LMO1: variants seen among roughly 807,000 people sequenced by gnomAD.
The protein encoded by LMO1 is rhombotin-1.
In LMO1, 10 loss-of-function variants were observed where a neutral mutation model predicts 18.0. The observed-to-expected ratio is 0.55, with a 90% confidence interval of 0.34 to 0.94. The LOEUF (loss-of-function observed/expected upper bound fraction) is 0.94, where lower values mean the gene tolerates loss of function less well. Ranked by LOEUF, LMO1 falls within the 40% of genes least tolerant of loss-of-function variation. The pLI is 0.02. For missense variants in LMO1, 183 were observed against 205.7 expected (o/e 0.89, Z 0.68); for synonymous variants, 77 against 77.9 (o/e 0.99, Z 0.06).
At position 8,227,072 on chromosome 11, in the gene LMO1, C is replaced by T. The variant is rs1299958313; in HGVS notation, c.268G>A (p.Ala90Thr). The change falls in exon 3 of 4, where the codon GCT becomes ACT. Residue 90 changes from alanine (A) to threonine (T), a missense_variant. Transcript: ENST00000335790. ...AAGGCTGGGATCAGCTTGCTGCAAG[C>T]AGCACAGTTCCCTGTGGTGCCAAAG... ...RLFGTTGNCA[A>T]CSKLIPAFEM... The T allele has an allele frequency of 6.2e-7, 1 of 1,613,884 alleles. No homozygotes were observed. The highest frequency in any genetic ancestry group is 1.1e-5 in the South Asian group (1 of 91,088).
In LMO1 at chr11:8,227,055, G is replaced by C. The variant is rs1372606188; in HGVS notation, c.285C>G (p.Ile95Met). The C allele has an allele frequency of 6.2e-7, 1 of 1,613,978 alleles. No homozygotes were observed. The highest frequency in any genetic ancestry group is 1.7e-5 in the Admixed American group (1 of 60,032). Residue 95 changes from isoleucine to methionine, a missense_variant, in exon 3 of 4, where the codon ATC (isoleucine) becomes ATG (methionine). By Grantham distance (10) the Ile-to-Met change is conservative. Transcript: ENST00000335790. The part of the protein sequence containing the change: ...TGNCAACSKL[I>M]PAFEMVMRAR... ...CCCGCATCACCATCTCGAAGGCTGG[G>C]ATCAGCTTGCTGCAAGCAGCACAGT...
At chr11:8,250,420 A>G (rs1224941470) in intron 1 of LMO1, among the ~76,000 whole-genome samples, 1 of 152,250 alleles carries the variant, frequency 6.6e-6, no homozygotes, top group African/African-American at 2.4e-5. Flanking sequence ...TCTTATGCTC[A>G]TGTAGAAGGC....
At chr11:8,248,883 C>A (rs1310466165) in intron 1 of LMO1, among the ~76,000 whole-genome samples, 2 of 152,138 alleles carry the variant, frequency 1.3e-5, no homozygotes, top group African/African-American at 4.8e-5. Context: ...CCCTCAGAGC[C>A]TAGAAAGCCA....
chr11:8,242,048 TA>T (rs143784690), intron 1 of LMO1, among the ~76,000 whole-genome samples: 5,458 of 152,254 alleles, frequency 0.036, 168 homozygotes, highest in African/African-American at 0.087. Context: ...GATGGAGCCT[TA>T]ATCAGGCTTG....
intron 1 of LMO1, among the ~76,000 whole-genome samples, chr11:8,245,213 G>A (rs146632539): frequency 3.9e-5 from 6 of 151,998 alleles, no homozygotes; most frequent in East Asian, 1.9e-4. Context: ...AGCATGCTCC[G>A]CTTCAGAGCC....
intron 1 of LMO1, among the ~76,000 whole-genome samples, chr11:8,238,282 T>G (rs1952796472): frequency 1.3e-5 from 2 of 152,214 alleles, no homozygotes; most frequent in South Asian, 4.1e-4. Context: ...CAATATAATA[T>G]TGAATGAAAG....
chr11:8,260,806 T>A (rs924741975), intron 1 of LMO1, among the ~76,000 whole-genome samples: 5 of 151,208 alleles, frequency 3.3e-5, no homozygotes, highest in Non-Finnish European at 7.4e-5. Context: ...GCGTTGGGGG[T>A]GGTTAATAGC....
rs935137604 is a variant in LMO1, at chr11:8,226,877, G to A, written c.365+98C>T. 132 of 1,467,316 alleles carry A rather than the reference G, an allele frequency of 9.0e-5. 2 individuals are homozygous for A. The South Asian group carries it at 1.4e-3, about 16-fold the overall frequency. The allele number at this position is 1,467,316 out of a possible 1,614,324, so 90.9% of individuals were successfully genotyped here. A position where few individuals can be genotyped will look rare whatever the true frequency, so the allele number is the denominator to read the frequency against. On this transcript the variant is annotated intron_variant, in intron 3 of 3. Transcript: ENST00000335790. Reference sequence around the variant, plus strand: ...ACCACCACATACACACACGCAACCCGCATTTGCGTGCACGCCTCCGCCGTG... The same window carrying A: ...ACCACCACATACACACACGCAACCCACATTTGCGTGCACGCCTCCGCCGTG...
At chr11:8,263,102 G>A (rs1430466016) in intron 1 of LMO1, among the ~76,000 whole-genome samples, 1 of 151,406 alleles carries the variant, frequency 6.6e-6, no homozygotes, top group Non-Finnish European at 1.5e-5. Context: ...GGGACCCGGG[G>A]GGCGTGCGGC....
Position 8,224,537 on chromosome 11 carries a change from T to G in LMO1, c.*79A>C. 2.4e-6 allele frequency: 2 copies of G among 821,436 alleles called. No individual in the cohort carries two copies. The highest frequency in any genetic ancestry group is 4.0e-6 in the Non-Finnish European group (2 of 499,676). 50.9% of individuals were successfully genotyped at this position (821,436 alleles called of 1,614,324 possible). On this transcript the variant is annotated 3_prime_UTR_variant, in exon 4 of 4. Coordinates refer to ENST00000335790, the MANE Select transcript of LMO1 (RefSeq NM_002315.3). ...AGAGCGGCTGGCCAGCCTGCACTGG[T>G]AGAGTGGCTGGCTGGCCGGCCAGGC... is the stretch of plus-strand genomic sequence containing the variant.
intron 2 of LMO1, among the ~76,000 whole-genome samples, chr11:8,228,905 T>A (rs924992801): frequency 6.6e-6 from 1 of 152,124 alleles, no homozygotes; most frequent in African/African-American, 2.4e-5. Flanking sequence ...TTTTCTTTTT[T>A]GAGACAGGGT....
upstream of LMO1, among the ~76,000 whole-genome samples, chr11:8,267,211 C>T (rs373398185): frequency 3.3e-5 from 5 of 152,320 alleles, no homozygotes; most frequent in African/African-American, 9.6e-5. Context: ...GCACCACAGC[C>T]CTGAGAAGGT....
intron 1 of LMO1, among the ~76,000 whole-genome samples, chr11:8,232,480 G>A (rs1378120442): frequency 6.6e-6 from 1 of 152,182 alleles, no homozygotes; most frequent in Non-Finnish European, 1.5e-5. Flanking sequence ...GCTGGATGGG[G>A]AAATGAGGGG....
chr11:8,258,405 C>T (rs753373508), intron 1 of LMO1, among the ~76,000 whole-genome samples: 18 of 152,216 alleles, frequency 1.2e-4, no homozygotes, highest in South Asian at 4.1e-4. Context: ...TGCACCATCA[C>T]GGCTCTGTCT....
At chr11:8,268,389 G>A (rs1485556163), upstream of LMO1, 2 of 1,462,700 alleles carry the variant, frequency 1.4e-6, no homozygotes, top group East Asian at 3.0e-5. Flanking sequence ...CACGTCCCGC[G>A]TGCCCCCGGG....
intron 1 of LMO1, among the ~76,000 whole-genome samples, chr11:8,248,485 C>A (rs1336030777): frequency 6.6e-6 from 1 of 152,260 alleles, no homozygotes; most frequent in Non-Finnish European, 1.5e-5. Flanking sequence ...ATACAGACCT[C>A]TCCCCTGAGG....
chr11:8,253,121 C>T (rs1847032748), intron 1 of LMO1, among the ~76,000 whole-genome samples: 5 of 152,200 alleles, frequency 3.3e-5, no homozygotes, highest in Admixed American at 3.3e-4. Context: ...GCCCTGTCTC[C>T]AACTGCCCTA....
chr11:8,249,360 T>A (rs147683121), intron 1 of LMO1, among the ~76,000 whole-genome samples: 14 of 152,284 alleles, frequency 9.2e-5, no homozygotes, highest in African/African-American at 3.4e-4. Context: ...TCCCTCCCCA[T>A]CATATGCTGC....
At chr11:8,226,195 G>T (rs980202527) in intron 3 of LMO1, among the ~76,000 whole-genome samples, 1 of 151,934 alleles carries the variant, frequency 6.6e-6, no homozygotes, top group African/African-American at 2.4e-5. Flanking sequence ...GCACATGCAC[G>T]TTTCAAACAC....
Sources: allele counts gnomAD v4.1 joint callset (sites outside exome capture counted in the v4.1 genomes callset), GRCh38; gene constraint gnomAD v4.1.1; transcripts MANE v1.5; gene names NCBI Gene and HGNC (gene_info 2026-07-23, HGNC 2026-07-21).